MAST2: variants seen among roughly 807,000 people sequenced by gnomAD.
MAST2 encodes the protein microtubule-associated serine/threonine-protein kinase 2.
MAST2 carries 70 observed loss-of-function variants against 147.4 expected under a neutral mutation model. The observed-to-expected ratio is 0.47, with a 90% CI of 0.39 to 0.58. The LOEUF (loss-of-function observed/expected upper bound fraction) is 0.58, where lower values mean the gene tolerates loss of function less well. Ranked by LOEUF, MAST2 falls within the 20% of genes least tolerant of loss-of-function variation. The probability of loss-of-function intolerance (pLI) is 0.00; values close to 1 mark genes in which losing one functional copy is unlikely to be tolerated. For synonymous variants in MAST2, 869 were observed against 896.8 expected, an observed-to-expected ratio of 0.97 and a Z score of 0.55; for missense variants, 2,080 against 2,302.3, an observed-to-expected ratio of 0.90 and a Z score of 1.98.
At chr1:46,006,180 C>G (rs1007867577) in intron 7 of MAST2, 61 bp from the exon 8 acceptor site, 10 of 1,489,376 alleles carry the variant, frequency 6.7e-6, no homozygotes, top group Non-Finnish European at 7.3e-6. Context: ...CAGTCCTTCC[C>G]CATTCTTGGA....
At chr1:45,812,368 C>T (rs948315145) in intron 1 of MAST2, among the ~76,000 whole-genome samples, 1 of 150,322 alleles carries the variant, frequency 6.7e-6, no homozygotes, top group Non-Finnish European at 1.5e-5. Flanking sequence ...CATGTGATTA[C>T]AGAGTTTTCC....
At chr1:45,940,907 C>G (rs1657163990) in intron 4 of MAST2, among the ~76,000 whole-genome samples, 1 of 152,194 alleles carries the variant, frequency 6.6e-6, no homozygotes, top group Admixed American at 6.5e-5. Flanking sequence ...GCGTGAGCCA[C>G]CGCGCCTGGC....
At chr1:46,026,350 A>G (rs193265842) in intron 16 of MAST2, among the ~76,000 whole-genome samples, 32 of 152,346 alleles carry the variant, frequency 2.1e-4, no homozygotes, top group African/African-American at 7.2e-4. Context: ...GGAACTACAA[A>G]TAGTGCAATA....
intron 3 of MAST2, among the ~76,000 whole-genome samples, chr1:45,854,042 A>G (rs1380666571): frequency 1.3e-5 from 2 of 152,186 alleles, no homozygotes; most frequent in Non-Finnish European, 2.9e-5. Flanking sequence ...GCCAAAAATC[A>G]GTTGGACATA....
chr1:45,824,256 T>C (rs1644724757), intron 1 of MAST2, among the ~76,000 whole-genome samples, 177 bp from the exon 2 acceptor site: 1 of 152,218 alleles, frequency 6.6e-6, no homozygotes, highest in Non-Finnish European at 1.5e-5. Context: ...CCTGTGTCCT[T>C]TACAGCATAC....
intron 4 of MAST2, among the ~76,000 whole-genome samples, chr1:45,942,028 C>T (rs993271826): frequency 6.6e-6 from 1 of 152,172 alleles, no homozygotes; most frequent in African/African-American, 2.4e-5. Flanking sequence ...AATGATGTCT[C>T]AATATTCCTG....
chr1:45,987,778 T>TTA (rs1557430835), intron 5 of MAST2, among the ~76,000 whole-genome samples: 23 of 5,192 alleles, frequency 4.4e-3, no homozygotes, highest in African/African-American at 9.7e-3. Context: ...TTTTTTTTGA[T>TTA]TTTTTTTTTT....
chr1:45,849,052 A>C (rs1313986884), intron 3 of MAST2, among the ~76,000 whole-genome samples: 2 of 152,226 alleles, frequency 1.3e-5, no homozygotes, highest in Admixed American at 1.3e-4. Context: ...TACAATGAGA[A>C]TTAGAAGACA....
In MAST2 at chr1:46,030,988, C is replaced by T. The variant is rs188256769; in HGVS notation, c.2709-19C>T. On this transcript the variant is annotated intron_variant, in intron 22 of 28. Coordinates refer to ENST00000361297, the MANE Select transcript of MAST2 (RefSeq NM_015112.3). ...GGGGGACCACCTGGGTCACTCACCCCAGGCCTTGTGTCTCATAGATTACGG... is the reference window on the plus strand; with the variant it reads ...GGGGGACCACCTGGGTCACTCACCCTAGGCCTTGTGTCTCATAGATTACGG... 1.2e-6 allele frequency: 2 copies of T among 1,609,416 alleles called. No homozygotes were observed. Among genetic ancestry groups the T allele is most frequent in the East Asian group, 2.2e-5 (1 of 44,836 alleles).
intron 2 of MAST2, among the ~76,000 whole-genome samples, chr1:45,826,952 C>A: frequency 6.6e-6 from 1 of 152,090 alleles, no homozygotes; most frequent in East Asian, 1.9e-4. Context: ...CCTCAGCCTC[C>A]CAAGTAGCTG....
At chr1:45,898,657 A>G (rs941287840) in intron 4 of MAST2, among the ~76,000 whole-genome samples, 11 of 152,128 alleles carry the variant, frequency 7.2e-5, no homozygotes, top group Admixed American at 1.3e-4. Flanking sequence ...TTTGCCAGCC[A>G]TGTTCAGGGC....
At chr1:45,833,375 T>C (rs1045507461) in intron 3 of MAST2, among the ~76,000 whole-genome samples, 1 of 113,256 alleles carries the variant, frequency 8.8e-6, no homozygotes, top group Admixed American at 1.0e-4. Context: ...GGTGGAATAT[T>C]GTTCAAGATT....
chr1:45,840,678 C>G (rs573879120), intron 3 of MAST2, among the ~76,000 whole-genome samples: 4 of 152,306 alleles, frequency 2.6e-5, no homozygotes, highest in African/African-American at 9.6e-5. Context: ...TGAACTATAA[C>G]CTAATTTAAT....
chr1:45,868,294 T>C (rs142867991), intron 3 of MAST2, among the ~76,000 whole-genome samples: 1,745 of 152,306 alleles, frequency 0.011, 19 homozygotes, highest in Non-Finnish European at 0.02. Flanking sequence ...ATCAACTTTA[T>C]GGGGGATGAT....
chr1:45,891,070 T>C (rs61783222), intron 4 of MAST2, among the ~76,000 whole-genome samples: 2,708 of 152,294 alleles, frequency 0.018, 34 homozygotes, highest in Middle Eastern at 0.027. Context: ...CAAAGTGATA[T>C]GTGGTATGTG....
At chr1:45,903,126 CTTTTTTTT>C (rs34621764) in intron 4 of MAST2, among the ~76,000 whole-genome samples, 3,946 of 79,588 alleles carry the variant, frequency 0.05, 180 homozygotes, top group East Asian at 0.27. Context: ...AAATTTTTGT[CTTTTTTTT>C]TTTTTTTTTT....
At chr1:45,927,679 A>G (rs1654618041) in intron 4 of MAST2, among the ~76,000 whole-genome samples, 1 of 152,164 alleles carries the variant, frequency 6.6e-6, no homozygotes, top group Non-Finnish European at 1.5e-5. Flanking sequence ...CACATGCTGT[A>G]TAATTTGTGC....
intron 4 of MAST2, among the ~76,000 whole-genome samples, chr1:45,894,679 G>A (rs1570592671): frequency 6.6e-6 from 1 of 152,262 alleles, no homozygotes; most frequent in South Asian, 2.1e-4. Flanking sequence ...TCAGACTCAG[G>A]TATTATAAAC....
At chr1:45,903,378 C>T (rs968272234) in intron 4 of MAST2, among the ~76,000 whole-genome samples, 1 of 152,132 alleles carries the variant, frequency 6.6e-6, no homozygotes, top group Non-Finnish European at 1.5e-5. Flanking sequence ...AATCCTCCCG[C>T]CTTGGCCTCC....
Sources: gnomAD v4.1 joint callset for allele counts (sites outside exome capture counted in the v4.1 genomes callset) on GRCh38, gnomAD v4.1.1 for gene constraint, MANE v1.5 for transcripts, NCBI Gene and HGNC (gene_info 2026-07-23, HGNC 2026-07-21) for gene names.